DGKK: variants seen among roughly 807,000 people sequenced by gnomAD.
The protein encoded by DGKK is 142 kDa diacylglycerol kinase.
In DGKK, 35 loss-of-function variants were observed where a neutral mutation model predicts 92.2. The observed-to-expected ratio is 0.38, with a 90% CI of 0.29 to 0.50. DGKK has a LOEUF of 0.50. Among genes scored for constraint, DGKK ranks in the 20% least tolerant of loss-of-function variants. The probability of loss-of-function intolerance (pLI) is 0.92; values close to 1 mark genes in which losing one functional copy is unlikely to be tolerated. For synonymous variants in DGKK, 368 were observed against 360.6 expected, an observed-to-expected ratio of 1.02 and a Z score of -0.23; for missense variants, 910 against 992.2, an observed-to-expected ratio of 0.92 and a Z score of 1.11.
At chrX:50,452,791 T>C (rs1448389989) in intron 1 of DGKK, among the ~76,000 whole-genome samples, 3 of 111,881 alleles carry the variant, frequency 2.7e-5, no homozygotes, top group Non-Finnish European at 5.6e-5. Context: ...GTGGGAAATA[T>C]GCTTGTTTGC....
rs1557229455 is a variant in DGKK at position 50,424,237 on chromosome X, C to T, written c.756+11G>A. The T allele has an allele frequency of 8.3e-7, 1 of 1,202,059 alleles. No homozygotes were observed. Among genetic ancestry groups the T allele is most frequent in the South Asian group, 1.8e-5 (1 of 55,814 alleles). On this transcript the variant is annotated intron_variant, in intron 2 of 27. Coordinates refer to ENST00000611977, the MANE Select transcript of DGKK (RefSeq NM_001013742.4). ...ACCCATTAATCTAGTTGACAATATG[C>T]TATACATTACCGCGGGATGGTGTGC...
intron 1 of DGKK, among the ~76,000 whole-genome samples, chrX:50,436,908 T>C (rs781867581): frequency 9.0e-6 from 1 of 111,497 alleles, no homozygotes. Context: ...TTTCAAAGCC[T>C]AGTTTTACCT....
intron 26 of DGKK, among the ~76,000 whole-genome samples, chrX:50,370,873 C>T (rs1243374352): frequency 8.9e-6 from 1 of 112,357 alleles, no homozygotes; most frequent in Non-Finnish European, 1.9e-5. Flanking sequence ...AAATATTTCA[C>T]CTGAGCTCAT....
intron 1 of DGKK, among the ~76,000 whole-genome samples, chrX:50,443,516 A>T (rs1478469698): frequency 9.0e-6 from 1 of 111,501 alleles, no homozygotes; most frequent in Non-Finnish European, 1.9e-5. Context: ...TGCTATTTTT[A>T]AAAATAATTA....
At chrX:50,387,964 C>A (rs1173174746) in intron 13 of DGKK, among the ~76,000 whole-genome samples, 1 of 112,300 alleles carries the variant, frequency 8.9e-6, no homozygotes, top group Non-Finnish European at 1.9e-5. Flanking sequence ...CAACTTGGGT[C>A]AGGTTTTCAC....
At chrX:50,405,529 A>G (rs782038345) in intron 4 of DGKK, among the ~76,000 whole-genome samples, 33 of 83,017 alleles carry the variant, frequency 4.0e-4, no homozygotes, top group Non-Finnish European at 5.4e-4. Context: ...CAGTGGGGGG[A>G]GAGAGAGAGA....
In DGKK at chrX:50,367,312, A is replaced by G. The variant is rs1371438130; in HGVS notation, c.*1628T>C. The G allele has an allele frequency of 1.8e-5, 2 of 111,612 alleles. No individual in the cohort carries two copies. The highest frequency in any genetic ancestry group is 3.8e-5 in the Non-Finnish European group (2 of 53,109). 9.2% of individuals were successfully genotyped at this position (111,612 alleles called of 1,213,427 possible). On this transcript the variant is annotated 3_prime_UTR_variant, in exon 28 of 28. Transcript: ENST00000611977. ...TGAAGATGCAAGGCTGACCAGAGAG[A>G]ACCTCTCTGGGCATTGGGGTTTGAT...
chrX:50,423,514 G>C (rs190607907), intron 2 of DGKK, among the ~76,000 whole-genome samples: 1 of 111,922 alleles, frequency 8.9e-6, no homozygotes, highest in Non-Finnish European at 1.9e-5. Context: ...ACACCCCTGT[G>C]TTAGCCAACA....
intron 10 of DGKK, among the ~76,000 whole-genome samples, chrX:50,391,813 C>T (rs17003341): frequency 0.28 from 30,529 of 110,932 alleles, 3,325 homozygotes; most frequent in Middle Eastern, 0.39. Context: ...GAAAAGTTGC[C>T]GGAATATGAC....
chrX:50,404,118 G>C lies in DGKK; in HGVS notation c.1009C>G (p.Arg337Gly). The change falls in exon 5 of 28, where the codon CGG becomes GGG. Residue 337 changes from arginine to glycine, a missense_variant. Physicochemically the swap from Arg to Gly is moderately radical, Grantham distance 125 (BLOSUM62 -2). Transcript: ENST00000611977. The part of the protein sequence containing the change: ...MHCWYSSYSH[R>G]TQHCNVCRES... ...CGACAAACATTGCAGTGCTGGGTCC[G>C]GTGGCTGTAACTGGAGTACCAACAA... The C allele has an allele frequency of 1.7e-6, 2 of 1,210,375 alleles. No individual in the cohort carries two copies. The highest frequency in any genetic ancestry group is 2.2e-6 in the Non-Finnish European group (2 of 894,807).
At position 50,385,869 on chromosome X, in the gene DGKK, T is replaced by A. The variant is rs782053979; in HGVS notation, c.2347+489A>T. On this transcript the variant is annotated intron_variant, in intron 15 of 27. Transcript: ENST00000611977. The stretch of plus-strand genomic sequence containing the variant: ...GGGAAGTTTGCAGACTGTCGTGAGT[T>A]CTGAGCAATGGTAATTAATGCTAGA... 3.6e-5 allele frequency among the ~76,000 whole-genome samples: 4 copies of A among 112,184 alleles called. 1 individual carries two copies.
At chrX:50,458,269 A>G (rs1479229116) in intron 1 of DGKK, among the ~76,000 whole-genome samples, 2 of 110,720 alleles carry the variant, frequency 1.8e-5, no homozygotes, top group Non-Finnish European at 3.8e-5. Context: ...TGAGAAAAAC[A>G]TGAGATTCTA....
rs1349045322 is a variant in DGKK at position 50,418,813 on chromosome X, G to A, written c.942+1590C>T. ...TTAATTCAATGAATTCAGGGATGGC[G>A]CACCAATTCTCTGGTAGTCACCAGA... is the stretch of plus-strand genomic sequence containing the variant. On this transcript the variant is annotated intron_variant, in intron 4 of 27. Transcript: ENST00000611977. Among the ~76,000 whole-genome samples the A allele has an allele frequency of 4.5e-5, 5 of 111,253 alleles. No homozygotes were observed. In the South Asian group the frequency reaches 1.1e-3, roughly 25 times the overall value.
At position 50,378,558 on chromosome X, in the gene DGKK, C is replaced by T. The variant is rs782400492; in HGVS notation, c.2976+20G>A. On this transcript the variant is annotated intron_variant, in intron 21 of 27. Transcript: ENST00000611977. ...CAAAAACCTCAGCCCCTTCCCAGTG[C>T]CCACCCAGCCCCTGCCTACCTGGGC... is the stretch of plus-strand genomic sequence containing the variant. 1.2e-5 allele frequency: 14 copies of T among 1,169,227 alleles called. No individual in the cohort carries two copies. Among genetic ancestry groups the T allele is most frequent in the Non-Finnish European group, 1.5e-5 (13 of 863,384 alleles).
chrX:50,457,608 A>G (rs2147151173), intron 1 of DGKK, among the ~76,000 whole-genome samples: 1 of 111,665 alleles, frequency 9.0e-6, no homozygotes, highest in South Asian at 3.8e-4. Context: ...ATAATAAACA[A>G]CGGATTAAAG....
intron 1 of DGKK, among the ~76,000 whole-genome samples, chrX:50,443,947 A>T (rs1448777079): frequency 9.0e-6 from 1 of 111,138 alleles, no homozygotes; most frequent in East Asian, 2.8e-4. Context: ...ACATAAATGA[A>T]ATCATTCAGT....
chrX:50,424,396 A>G, intron 1 of DGKK, 38 bp from the exon 2 acceptor site: 1 of 1,110,152 alleles, frequency 9.0e-7, no homozygotes, highest in Non-Finnish European at 1.2e-6. Flanking sequence ...AATTAGATCA[A>G]TTCATAAGGT....
intron 1 of DGKK, among the ~76,000 whole-genome samples, chrX:50,433,828 G>T (rs1925952357): frequency 9.0e-6 from 1 of 111,201 alleles, no homozygotes. Context: ...GCCTAGAAAA[G>T]AAGCGTTTTG....
intron 25 of DGKK, among the ~76,000 whole-genome samples, chrX:50,372,037 G>A (rs1924146177): frequency 9.0e-6 from 1 of 110,906 alleles, no homozygotes; most frequent in African/African-American, 3.3e-5. Context: ...CTTGGGGCTG[G>A]GCATGCTTAC....
Sources: gnomAD v4.1 joint callset for allele counts (sites outside exome capture counted in the v4.1 genomes callset) on GRCh38, gnomAD v4.1.1 for gene constraint, MANE v1.5 for transcripts, NCBI Gene and HGNC (gene_info 2026-07-23, HGNC 2026-07-21) for gene names.